FBXL4: variants seen among roughly 807,000 people sequenced by gnomAD.
FBXL4 encodes the protein F-box/LRR-repeat protein 4.
A neutral mutation model predicts 58.9 loss-of-function variants in FBXL4; 40 were observed. The ratio of observed to expected loss-of-function variants is 0.68; its 90% CI spans 0.53 to 0.88. The LOEUF (loss-of-function observed/expected upper bound fraction) is 0.88, where lower values mean the gene tolerates loss of function less well. FBXL4 is among the 40% of genes least tolerant of loss of function. The pLI, the probability that FBXL4 is intolerant of heterozygous loss-of-function variation, is 0.00. For missense variants in FBXL4, 676 were observed against 734.4 expected (o/e 0.92, Z 0.92); for synonymous variants, 263 against 265.5 (o/e 0.99, Z 0.09).
At chr6:98,877,465 T>G (rs988004173) in intron 8 of FBXL4, among the ~76,000 whole-genome samples, 1 of 152,232 alleles carries the variant, frequency 6.6e-6, no homozygotes, top group Non-Finnish European at 1.5e-5. Context: ...TTTGTTGTTG[T>G]TGTGAAATTA....
chr6:98,914,177 G>T (rs193050836), intron 5 of FBXL4, among the ~76,000 whole-genome samples: 17 of 152,258 alleles, frequency 1.1e-4, no homozygotes, highest in African/African-American at 4.1e-4. Context: ...ATAATCAACA[G>T]CTTACCAACC....
intron 5 of FBXL4, among the ~76,000 whole-genome samples, chr6:98,912,305 A>C (rs1250035322): frequency 6.6e-6 from 1 of 152,210 alleles, no homozygotes; most frequent in African/African-American, 2.4e-5. Flanking sequence ...GCCAACATTC[A>C]GATTCAGGAG....
chr6:98,898,726 A>G (rs184055937), intron 7 of FBXL4: 1 of 984,746 alleles, frequency 1.0e-6, no homozygotes, highest in East Asian at 1.1e-4. Context: ...ATGGTATAAC[A>G]TACACTATTA....
chr6:98,917,770 G>A, intron 4 of FBXL4, 51 bp from the exon 5 acceptor site: 1 of 1,365,624 alleles, frequency 7.3e-7, no homozygotes, highest in Non-Finnish European at 1.0e-6. Flanking sequence ...GAGATCTACT[G>A]GTCCCTTAAG....
chr6:98,898,754 A>G, intron 7 of FBXL4: 3 of 985,184 alleles, frequency 3.0e-6, no homozygotes, highest in Non-Finnish European at 3.6e-6. Context: ...AGAGTTAGAT[A>G]ATATATGCAC....
At chr6:98,944,771 GA>G in intron 1 of FBXL4, among the ~76,000 whole-genome samples, 1 of 152,108 alleles carries the variant, frequency 6.6e-6, no homozygotes, top group African/African-American at 2.4e-5. Flanking sequence ...AGCCCACTAT[GA>G]AAGATTCAGG....
At chr6:98,880,312 C>T (rs905089567) in intron 8 of FBXL4, among the ~76,000 whole-genome samples, 2 of 152,172 alleles carry the variant, frequency 1.3e-5, no homozygotes, top group Non-Finnish European at 2.9e-5. Flanking sequence ...TGAGGCAGAA[C>T]TATACTCTAT....
intron 2 of FBXL4, among the ~76,000 whole-genome samples, chr6:98,932,218 CTTCAT>C (rs1475823636): frequency 6.6e-6 from 1 of 152,110 alleles, no homozygotes; most frequent in Non-Finnish European, 1.5e-5. Flanking sequence ...TTAGGGGGAT[CTTCAT>C]TTCATTTGTT....
At position 98,872,687 on chromosome 6, in the gene FBXL4, C is replaced by T. The variant is rs1770524902; in HGVS notation, c.*1591G>A. On this transcript the variant is annotated 3_prime_UTR_variant, in exon 10 of 10. Coordinates refer to ENST00000369244, the MANE Select transcript of FBXL4 (RefSeq NM_001278716.2). ...AGCCTAAAATATTTACTATCTGGCCCTTTATAGAAAAAGTTTCCTGACCTC... is the reference window on the plus strand; with the variant it reads ...AGCCTAAAATATTTACTATCTGGCCTTTTATAGAAAAAGTTTCCTGACCTC... 6.6e-6 allele frequency: 1 copy of T among 152,102 alleles called. No homozygotes were observed. Among genetic ancestry groups the T allele is most frequent in the Admixed American group, 6.6e-5 (1 of 15,256 alleles). The allele number at this position is 152,102 out of a possible 1,614,324, so 9.4% of individuals were successfully genotyped here.
intron 1 of FBXL4, among the ~76,000 whole-genome samples, chr6:98,939,075 CAAAAAAAAAAAAAA>C (rs3068704): frequency 0.088 from 2,237 of 25,314 alleles, 72 homozygotes; most frequent in African/African-American, 0.19. Context: ...GACCTTGTCT[CAAAAAAAAAAAAAA>C]AAAAAAAAAA....
chr6:98,913,938 AAGAG>A (rs1426367897), intron 5 of FBXL4, among the ~76,000 whole-genome samples: 2 of 95,348 alleles, frequency 2.1e-5, no homozygotes, highest in African/African-American at 4.5e-5. Flanking sequence ...TAAAGAAAAA[AAGAG>A]AGAAGAATCA....
chr6:98,887,876 T>A (rs1188652723), intron 7 of FBXL4, among the ~76,000 whole-genome samples: 1 of 152,194 alleles, frequency 6.6e-6, no homozygotes, highest in African/African-American at 2.4e-5. Flanking sequence ...TAACACAGTT[T>A]CATGGCTTTC....
At position 98,934,816 on chromosome 6, in the gene FBXL4, T is replaced by G. The variant is rs890938462; in HGVS notation, c.-245A>C. 2 of 152,112 alleles carry G rather than the reference T, an allele frequency of 1.3e-5. No homozygotes were observed. Among genetic ancestry groups the G allele is most frequent in the Non-Finnish European group, 2.9e-5 (2 of 68,018 alleles). The allele number at this position is 152,112 out of a possible 1,614,324, so 9.4% of individuals were successfully genotyped here. ...GAGACTCCTATCCAGCTTCAAAGCT[T>G]CTTGAAAATCCAAGCGAATGAAGCA... On this transcript the variant is annotated 5_prime_UTR_variant, in exon 2 of 10. Coordinates refer to ENST00000369244, the MANE Select transcript of FBXL4 (RefSeq NM_001278716.2).
chr6:98,902,091 A>T (rs1399127715), intron 6 of FBXL4, among the ~76,000 whole-genome samples: 1 of 152,184 alleles, frequency 6.6e-6, no homozygotes, highest in Non-Finnish European at 1.5e-5. Context: ...GCATCCTAAA[A>T]TAATTAAGAT....
chr6:98,898,918 C>T (rs140033452), intron 7 of FBXL4: 1 of 985,352 alleles, frequency 1.0e-6, no homozygotes, highest in Admixed American at 6.1e-5. Context: ...TGCTTCCTCC[C>T]ACTGCAAGCA....
At position 98,872,252 on chromosome 6, in the gene FBXL4, T is replaced by C. The variant is rs565294392; in HGVS notation, c.*2026A>G. 2.0e-5 allele frequency: 3 copies of C among 152,344 alleles called. No homozygotes were observed. Among genetic ancestry groups the C allele is most frequent in the South Asian group, 2.1e-4 (1 of 4,826 alleles). 9.4% of individuals were successfully genotyped at this position (152,344 alleles called of 1,614,324 possible). A position where few individuals can be genotyped will look rare whatever the true frequency, so the allele number is the denominator to read the frequency against. ...TGAGGAGCTTCTGCCTAGTCTTCAA[T>C]TGGAAGTGATTAAGCTGCAATGTAA... On this transcript the variant is annotated 3_prime_UTR_variant, in exon 10 of 10. Coordinates refer to ENST00000369244, the MANE Select transcript of FBXL4 (RefSeq NM_001278716.2).
At chr6:98,884,713 T>G (rs1770973621) in intron 7 of FBXL4, among the ~76,000 whole-genome samples, 1 of 152,230 alleles carries the variant, frequency 6.6e-6, no homozygotes, top group Non-Finnish European at 1.5e-5. Context: ...GTGCCCATTT[T>G]GATCTGAAGA....
intron 7 of FBXL4, among the ~76,000 whole-genome samples, chr6:98,884,110 G>C (rs762306862): frequency 1.8e-4 from 27 of 151,654 alleles, no homozygotes; most frequent in Non-Finnish European, 3.7e-4. Flanking sequence ...GTGTCTACAG[G>C]TGATAAAATC....
rs398123062 is a variant in FBXL4, at chr6:98,875,423, T to C, written c.1694A>G (p.Asp565Gly). The C allele has an allele frequency of 6.2e-7, 1 of 1,613,878 alleles. No individual in the cohort carries two copies. Among genetic ancestry groups the C allele is most frequent in the Non-Finnish European group, 8.5e-7 (1 of 1,179,746 alleles). ...ATATATTGTAACCTTACCTAATATG[T>C]CCAGCTGCTGTAACCTGGTACAATT... Reference protein sequence around the residue: ...ACNCTRLQQLDILGTRMVSPA... With the variant: ...ACNCTRLQQLGILGTRMVSPA... Residue 565 changes from aspartate to glycine, a missense_variant, in exon 9 of 10, where the codon GAC becomes GGC. Transcript: ENST00000369244.
Sources: allele counts gnomAD v4.1 joint callset (sites outside exome capture counted in the v4.1 genomes callset), GRCh38; gene constraint gnomAD v4.1.1; transcripts MANE v1.5; gene names NCBI Gene and HGNC (gene_info 2026-07-23, HGNC 2026-07-21).